PTPRN2: variants seen among roughly 807,000 people sequenced by gnomAD.
PTPRN2 encodes receptor-type tyrosine-protein phosphatase N2.
Under a neutral mutation model 118.8 loss-of-function variants are expected in PTPRN2, and 74 were observed. The observed-to-expected ratio is 0.62, with a 90% CI of 0.52 to 0.76. The LOEUF (loss-of-function observed/expected upper bound fraction) is 0.76. Among genes scored for constraint, PTPRN2 ranks in the 30% least tolerant of loss-of-function variants. PTPRN2 has a pLI of 0.00. For missense variants in PTPRN2, 1,481 were observed against 1,394.4 expected, an observed-to-expected ratio of 1.06 and a Z score of -0.99; for synonymous variants, 641 against 608.0, an observed-to-expected ratio of 1.05 and a Z score of -0.80.
intron 12 of PTPRN2, among the ~76,000 whole-genome samples, chr7:157,776,141 C>T (rs1306382625): frequency 1.4e-5 from 2 of 147,764 alleles, no homozygotes; most frequent in African/African-American, 2.5e-5. Context: ...CTCTCCTCCT[C>T]CCTCCTCTCC....
At chr7:158,207,173 G>A (rs1434488574) in intron 3 of PTPRN2, among the ~76,000 whole-genome samples, 1 of 143,750 alleles carries the variant, frequency 7.0e-6, no homozygotes, top group Admixed American at 7.0e-5. Context: ...ATTCCATGGT[G>A]TATATGTGCC....
chr7:157,679,706 G>A (rs1445960161), intron 13 of PTPRN2, among the ~76,000 whole-genome samples: 2 of 150,772 alleles, frequency 1.3e-5, no homozygotes. Context: ...ACACACACAG[G>A]GGTCGGGGCT....
At chr7:157,996,810 C>T (rs1028072213) in intron 11 of PTPRN2, among the ~76,000 whole-genome samples, 2 of 152,320 alleles carry the variant, frequency 1.3e-5, no homozygotes, top group South Asian at 2.1e-4. Flanking sequence ...CTTTTCTTCT[C>T]CTAGCAAACC....
rs1299949666 is a variant in PTPRN2 at position 158,281,001 on chromosome 7, A to C, written c.277+35818T>G. Among the ~76,000 whole-genome samples the C allele has an allele frequency of 2.0e-5, 3 of 152,214 alleles. No homozygotes were observed. The East Asian group carries it at 5.8e-4, about 29-fold the overall frequency. On this transcript the variant is annotated intron_variant, in intron 3 of 22. Coordinates refer to ENST00000389418, the MANE Select transcript of PTPRN2 (RefSeq NM_002847.5). ...CTCAAAGCCATGTGCTCGTCATCAC[A>C]GCTTCCATTTAAATCTTGAGGGCTG...
In PTPRN2 at chr7:157,583,476, CAAAG is replaced by C. The variant is rs763938172; in HGVS notation, c.2497-5340_2497-5337del. On this transcript the variant is annotated intron_variant, in intron 17 of 22. Coordinates refer to ENST00000389418, the MANE Select transcript of PTPRN2 (RefSeq NM_002847.5). The surrounding 1 kb of genome is among the most constrained non-coding windows in gnomAD (Gnocchi z 5.5). The stretch of plus-strand genomic sequence containing the variant: ...TAGGCTTCAGGTGCTTCACCACACA[CAAAG>C]AAACGGTAACTACGCGAGGAGACGT... 4.6e-5 allele frequency among the ~76,000 whole-genome samples: 7 copies of C among 152,264 alleles called. No homozygotes were observed. Among genetic ancestry groups the C allele is most frequent in the East Asian group, 1.9e-4 (1 of 5,186 alleles).
At chr7:158,040,296 C>T (rs1264479034) in intron 11 of PTPRN2, among the ~76,000 whole-genome samples, 1 of 152,094 alleles carries the variant, frequency 6.6e-6, no homozygotes, top group Non-Finnish European at 1.5e-5. Flanking sequence ...AAATACAACA[C>T]ACACAAATTC....
At chr7:158,054,843 C>A (rs1262007390) in intron 11 of PTPRN2, among the ~76,000 whole-genome samples, 1 of 152,344 alleles carries the variant, frequency 6.6e-6, no homozygotes, top group Non-Finnish European at 1.5e-5. Flanking sequence ...TCTGTCCAAT[C>A]CATCACCAAA....
At chr7:157,573,229 C>T (rs963025076) in intron 19 of PTPRN2, among the ~76,000 whole-genome samples, 6 of 152,376 alleles carry the variant, frequency 3.9e-5, no homozygotes, top group African/African-American at 9.6e-5. Context: ...ATGTGTGTGA[C>T]GTGAGCACGT....
chr7:157,918,334 A>G (rs912224589), intron 11 of PTPRN2, among the ~76,000 whole-genome samples: 1 of 152,234 alleles, frequency 6.6e-6, no homozygotes, highest in African/African-American at 2.4e-5. Context: ...AGAACTTAAA[A>G]CAAATTACCT....
chr7:158,086,588 C>G (rs991076257), intron 10 of PTPRN2, among the ~76,000 whole-genome samples: 2 of 152,202 alleles, frequency 1.3e-5, no homozygotes, highest in African/African-American at 4.8e-5. Flanking sequence ...ATTTAAACAA[C>G]AAAACCACCA....
chr7:158,327,412 C>T (rs1803723858), intron 2 of PTPRN2, among the ~76,000 whole-genome samples: 3 of 152,168 alleles, frequency 2.0e-5, no homozygotes, highest in African/African-American at 4.8e-5. Flanking sequence ...CATGCTCACA[C>T]ATGTACACGT....
intron 12 of PTPRN2, among the ~76,000 whole-genome samples, chr7:157,750,931 C>T (rs920798231): frequency 1.3e-5 from 2 of 152,230 alleles, no homozygotes; most frequent in African/African-American, 2.4e-5. Flanking sequence ...TCTTCCTGGA[C>T]GAGCCAGGGC....
Position 157,977,448 on chromosome 7 carries a change from T to C in PTPRN2, c.1724-78711A>G, listed in dbSNP as rs746358219. ...CTGAGGGGATACTCAAGCTGATGCC[T>C]GAATGCCAAGAGCCACCTGGGCAAA... On this transcript the variant is annotated intron_variant, in intron 11 of 22. Coordinates refer to ENST00000389418, the MANE Select transcript of PTPRN2 (RefSeq NM_002847.5). This position sits in a 1 kb window ranked among gnomAD's most constrained non-coding sequence, Gnocchi z 4.6. 8.6e-5 allele frequency among the ~76,000 whole-genome samples: 13 copies of C among 151,892 alleles called. No homozygotes were observed. Among genetic ancestry groups the C allele is most frequent in the Admixed American group, 3.3e-4 (5 of 15,254 alleles).
chr7:158,004,682 T>C (rs1805522608), intron 11 of PTPRN2, among the ~76,000 whole-genome samples: 1 of 152,254 alleles, frequency 6.6e-6, no homozygotes, highest in African/African-American at 2.4e-5. Flanking sequence ...AAATTTTTCA[T>C]TTTTTAAAAA....
chr7:158,294,529 C>T (rs1018419235), intron 3 of PTPRN2, among the ~76,000 whole-genome samples: 7 of 152,298 alleles, frequency 4.6e-5, no homozygotes, highest in East Asian at 1.9e-4. Flanking sequence ...GAATAAGTCA[C>T]GTAATTCCCG....
intron 12 of PTPRN2, among the ~76,000 whole-genome samples, chr7:157,777,480 G>A (rs909920428): frequency 6.8e-6 from 1 of 146,466 alleles, no homozygotes; most frequent in Non-Finnish European, 1.5e-5. Flanking sequence ...GCTCAGGGAC[G>A]CAGCCTTCCT....
chr7:158,205,007 G>T (rs555550870), intron 4 of PTPRN2, among the ~76,000 whole-genome samples, 164 bp downstream of exon 4: 2 of 152,268 alleles, frequency 1.3e-5, no homozygotes, highest in South Asian at 4.1e-4. Context: ...TCTCTCATGG[G>T]AACCAAACTT....
chr7:158,273,898 G>T (rs1332379479), intron 3 of PTPRN2, among the ~76,000 whole-genome samples: 1 of 138,072 alleles, frequency 7.2e-6, no homozygotes, highest in Non-Finnish European at 1.5e-5. Flanking sequence ...AGGAGGAGCC[G>T]CAGACAGACG....
intron 14 of PTPRN2, among the ~76,000 whole-genome samples, chr7:157,653,565 GT>G (rs1805820455): frequency 6.6e-6 from 1 of 152,132 alleles, no homozygotes; most frequent in African/African-American, 2.4e-5. Context: ...GGCTACCTGT[GT>G]GAGTCCTGGG....
Sources: gnomAD v4.1 joint callset for allele counts (sites outside exome capture counted in the v4.1 genomes callset) on GRCh38, gnomAD v4.1.1 for gene constraint, Gnocchi (gnomAD v3.1) non-coding constraint, MANE v1.5 for transcripts, NCBI Gene and HGNC (gene_info 2026-07-23, HGNC 2026-07-21) for gene names.